SORT1: variants seen among roughly 807,000 people sequenced by gnomAD.
SORT1 encodes the protein sortilin 1.
SORT1 carries 39 observed loss-of-function variants against 101.7 expected under a neutral mutation model. The ratio of observed to expected loss-of-function variants is 0.38; its 90% CI spans 0.30 to 0.50. The LOEUF is 0.50. Among genes scored for constraint, SORT1 ranks in the 20% least tolerant of loss-of-function variants. The probability of loss-of-function intolerance (pLI) is 0.90; values close to 1 mark genes in which losing one functional copy is unlikely to be tolerated. For synonymous variants in SORT1, 396 were observed against 393.7 expected, an observed-to-expected ratio of 1.01 and a Z score of -0.07; for missense variants, 878 against 1,040.4, an observed-to-expected ratio of 0.84 and a Z score of 2.15.
chr1:109,369,849 A>G (rs1175568244), intron 1 of SORT1, among the ~76,000 whole-genome samples: 1 of 152,170 alleles, frequency 6.6e-6, no homozygotes, highest in African/African-American at 2.4e-5. Flanking sequence ...AGATGGGGAG[A>G]TGGGAGATGG....
intron 3 of SORT1, among the ~76,000 whole-genome samples, chr1:109,358,258 T>C (rs1305408302): frequency 6.6e-6 from 1 of 152,190 alleles, no homozygotes; most frequent in Non-Finnish European, 1.5e-5. Context: ...AGGGGTATAT[T>C]TTTTAACATA....
intron 9 of SORT1, among the ~76,000 whole-genome samples, chr1:109,341,402 A>G (rs1031125551): frequency 6.6e-6 from 1 of 151,542 alleles, no homozygotes; most frequent in African/African-American, 2.4e-5. Context: ...GCTGGAGTGC[A>G]GTGGCACGAT....
chr1:109,350,789 C>T (rs1649908778), intron 6 of SORT1, 140 bp downstream of exon 6: 3 of 664,034 alleles, frequency 4.5e-6, no homozygotes, highest in Admixed American at 4.6e-5. Flanking sequence ...GCCTGTGTCA[C>T]ACCCCTCTCC....
intron 6 of SORT1, among the ~76,000 whole-genome samples, chr1:109,350,440 C>A (rs957563592): frequency 1.3e-5 from 2 of 152,150 alleles, no homozygotes; most frequent in African/African-American, 4.8e-5. Context: ...CCCGGAGGGG[C>A]AGGGAATCTC....
At chr1:109,359,970 A>G (rs6688680) in intron 3 of SORT1, among the ~76,000 whole-genome samples, 2,139 of 152,340 alleles carry the variant, frequency 0.014, 53 homozygotes, top group African/African-American at 0.047. Flanking sequence ...TCCAAAATAC[A>G]ATGGTGGGAC....
intron 15 of SORT1, among the ~76,000 whole-genome samples, chr1:109,319,509 C>T (rs1647472027): frequency 6.6e-6 from 1 of 152,150 alleles, no homozygotes; most frequent in Non-Finnish European, 1.5e-5. Flanking sequence ...TTTTACTTGT[C>T]CTATTTTACT....
At chr1:109,367,643 G>C (rs1651183614) in intron 2 of SORT1, among the ~76,000 whole-genome samples, 162 bp from the exon 3 acceptor site, 1 of 152,206 alleles carries the variant, frequency 6.6e-6, no homozygotes, top group African/African-American at 2.4e-5. Context: ...AGAATGATGA[G>C]AAAGTCCTCA....
intron 1 of SORT1, chr1:109,393,331 G>A (rs1170239921): frequency 2.0e-6 from 2 of 983,764 alleles, no homozygotes; most frequent in Non-Finnish European, 2.4e-6. Context: ...ATAAGCAAGA[G>A]TTCCTGGCTT....
chr1:109,367,540 T>C (rs1352647647), intron 2 of SORT1, 59 bp from the exon 3 acceptor site: 9 of 1,116,240 alleles, frequency 8.1e-6, no homozygotes, highest in African/African-American at 6.2e-5. Flanking sequence ...CATGCTGATA[T>C]GTGTTCGAGA....
At chr1:109,333,742 AAAGGT>A (rs1648612032) in intron 11 of SORT1, among the ~76,000 whole-genome samples, 1 of 152,240 alleles carries the variant, frequency 6.6e-6, no homozygotes, top group South Asian at 2.1e-4. Flanking sequence ...CAAAGAGATA[AAAGGT>A]AAGTATTGGC....
chr1:109,370,886 T>C (rs927698746), intron 1 of SORT1, among the ~76,000 whole-genome samples: 9 of 152,158 alleles, frequency 5.9e-5, no homozygotes, highest in Non-Finnish European at 1.2e-4. Context: ...AACATGTCTA[T>C]AAATGGTTGG....
intron 14 of SORT1, 29 bp downstream of exon 14, chr1:109,324,870 T>C (rs747287454): frequency 2.0e-6 from 3 of 1,464,362 alleles, no homozygotes; most frequent in Admixed American, 2.0e-5. Flanking sequence ...TGGAAGTTTC[T>C]GGTAGAAAAG....
intron 11 of SORT1, among the ~76,000 whole-genome samples, chr1:109,331,811 G>T (rs1648470925): frequency 6.6e-6 from 1 of 151,550 alleles, no homozygotes; most frequent in South Asian, 2.1e-4. Context: ...CACCAAAAAT[G>T]TTAAAACTAA....
At chr1:109,360,134 G>A (rs554153854) in intron 3 of SORT1, among the ~76,000 whole-genome samples, 1 of 151,998 alleles carries the variant, frequency 6.6e-6, no homozygotes, top group South Asian at 2.1e-4. Context: ...CTCCCACCTC[G>A]GCCTCCCAAA....
intron 3 of SORT1, 115 bp downstream of exon 3, chr1:109,367,293 G>A (rs1651157498): frequency 1.6e-6 from 1 of 643,792 alleles, no homozygotes; most frequent in East Asian, 2.8e-5. Context: ...GAAAACTTAG[G>A]ATGGCTAGAA....
At chr1:109,355,051 C>T (rs1452024274) in intron 4 of SORT1, among the ~76,000 whole-genome samples, 1 of 151,854 alleles carries the variant, frequency 6.6e-6, no homozygotes, top group African/African-American at 2.4e-5. Context: ...TGGCAAAACC[C>T]TCTACAAAAA....
chr1:109,314,228 G>C lies in SORT1; in HGVS notation c.2481+33C>G, dbSNP rs758829476. ...TATTTTCTTGTATTTTTTGGGGGGG[G>C]GGGTACTACCATTCAAGAAGAAATA... On this transcript the variant is annotated intron_variant, in intron 19 of 19. Coordinates refer to ENST00000256637, the MANE Select transcript of SORT1 (RefSeq NM_002959.7). 19 of 1,427,708 alleles carry C rather than the reference G, an allele frequency of 1.3e-5. No individual in the cohort carries two copies. The East Asian group carries it at 2.0e-4, about 15-fold the overall frequency. 88.4% of individuals were successfully genotyped at this position (1,427,708 alleles called of 1,614,324 possible). A position where few individuals can be genotyped will look rare whatever the true frequency, so the allele number is the denominator to read the frequency against.
At position 109,354,526 on chromosome 1, in the gene SORT1, C is replaced by T. The variant is rs2101603681; in HGVS notation, c.549G>A (p.Val183=). The change falls in exon 5 of 20, where the codon GTG becomes GTA. Residue 183 remains valine (V), a synonymous_variant. Transcript: ENST00000256637. ...TTCCTCCAGACACCTCTGCTGTTAA[C>T]ACCACCTGATAGGAAGAGGAAAGAT... ...AIGPENSGKV[V]LTAEVSGGSR... 1.9e-6 allele frequency: 3 copies of T among 1,611,908 alleles called. No individual in the cohort carries two copies. The highest frequency in any genetic ancestry group is 1.1e-5 in the South Asian group (1 of 90,874).
intron 8 of SORT1, among the ~76,000 whole-genome samples, chr1:109,343,290 G>T (rs1266659349): frequency 6.6e-6 from 1 of 152,044 alleles, no homozygotes; most frequent in Non-Finnish European, 1.5e-5. Context: ...CACTCCAATC[G>T]GCCTTTTAAC....
Sources: allele counts gnomAD v4.1 joint callset (sites outside exome capture counted in the v4.1 genomes callset), GRCh38; gene constraint gnomAD v4.1.1; transcripts MANE v1.5; gene names NCBI Gene and HGNC (gene_info 2026-07-23, HGNC 2026-07-21).